The following BRINP3 variants were observed in gnomAD, a reference collection of about 807,000 sequenced individuals.
BRINP3 encodes the protein BMP/retinoic acid inducible neural specific 3.
A neutral mutation model predicts 71.0 loss-of-function variants in BRINP3; 19 were observed. That is an observed-to-expected ratio of 0.27 (90% CI 0.19 to 0.39). The LOEUF (loss-of-function observed/expected upper bound fraction) is 0.39. BRINP3 is among the 10% of genes least tolerant of loss of function. The pLI is 1.00. For synonymous variants in BRINP3, 380 were observed against 337.7 expected (o/e 1.13, Z -1.37); for missense variants, 959 against 940.8 (o/e 1.02, Z -0.25).
intron 2 of BRINP3, among the ~76,000 whole-genome samples, chr1:190,297,503 C>G (rs1664340171): frequency 6.6e-6 from 1 of 152,104 alleles, no homozygotes; most frequent in South Asian, 2.1e-4. Flanking sequence ...AGTGTAATGT[C>G]AGCTGTGGAA....
chr1:190,376,364 T>C (rs1571896560), intron 2 of BRINP3, among the ~76,000 whole-genome samples: 1 of 152,148 alleles, frequency 6.6e-6, no homozygotes, highest in Middle Eastern at 3.4e-3. Flanking sequence ...TAAACTTAAC[T>C]CAGATTTTGA....
intron 7 of BRINP3, among the ~76,000 whole-genome samples, chr1:190,106,676 AT>A (rs1317848380): frequency 6.6e-6 from 1 of 151,350 alleles, no homozygotes; most frequent in African/African-American, 2.4e-5. Context: ...ATTTATTATT[AT>A]TTTTTATTAT....
chr1:190,255,040 T>C (rs1003605479), intron 4 of BRINP3, among the ~76,000 whole-genome samples: 2 of 152,054 alleles, frequency 1.3e-5, no homozygotes, highest in African/African-American at 4.8e-5. Context: ...ATGTGGTTTT[T>C]TTTTTCATTG....
At chr1:190,439,109 G>A (rs1167288911) in intron 2 of BRINP3, among the ~76,000 whole-genome samples, 2 of 151,802 alleles carry the variant, frequency 1.3e-5, no homozygotes, top group South Asian at 2.1e-4. Flanking sequence ...AAAGGCGAGA[G>A]GCGTAGGTGA....
intron 2 of BRINP3, among the ~76,000 whole-genome samples, chr1:190,434,658 T>A (rs1345896017): frequency 6.6e-6 from 1 of 152,008 alleles, no homozygotes; most frequent in Admixed American, 6.6e-5. Context: ...AATAACATCT[T>A]ACTATTATTA....
intron 1 of BRINP3, 68 bp from the exon 2 acceptor site, chr1:190,455,008 G>T (rs560022787): frequency 8.6e-6 from 6 of 695,432 alleles, no homozygotes; most frequent in Non-Finnish European, 1.4e-5. Context: ...AGGTGTTGAG[G>T]TGGCTAATTT....
chr1:190,289,751 G>A (rs1663717071), intron 2 of BRINP3, among the ~76,000 whole-genome samples: 2 of 151,898 alleles, frequency 1.3e-5, no homozygotes, highest in African/African-American at 2.4e-5. Context: ...TGCTTCATAT[G>A]AACTTCAAAG....
intron 4 of BRINP3, among the ~76,000 whole-genome samples, chr1:190,264,192 T>C (rs1055003494): frequency 6.8e-6 from 1 of 147,882 alleles, no homozygotes; most frequent in African/African-American, 2.6e-5. Context: ...TCTCAATCTC[T>C]TTCTCTCATT....
At chr1:190,314,585 G>A (rs1665756727) in intron 2 of BRINP3, among the ~76,000 whole-genome samples, 1 of 152,114 alleles carries the variant, frequency 6.6e-6, no homozygotes. Context: ...AGATGTCAGT[G>A]GCCTCTAGAA....
chr1:190,367,865 C>T (rs540586728), intron 2 of BRINP3, among the ~76,000 whole-genome samples: 2 of 152,138 alleles, frequency 1.3e-5, no homozygotes, highest in Non-Finnish European at 2.9e-5. Flanking sequence ...TGGTCAAAGC[C>T]ATTCAACAAT....
At chr1:190,325,150 T>G (rs1666497327) in intron 2 of BRINP3, among the ~76,000 whole-genome samples, 1 of 152,054 alleles carries the variant, frequency 6.6e-6, no homozygotes, top group Admixed American at 6.6e-5. Context: ...CTTGCTCATA[T>G]AAAATGCTGA....
At chr1:190,343,954 T>C (rs1029951617) in intron 2 of BRINP3, among the ~76,000 whole-genome samples, 16 of 151,688 alleles carry the variant, frequency 1.1e-4, no homozygotes, top group Non-Finnish European at 7.4e-5. Context: ...AATGTACTCA[T>C]AATATAAGGA....
intron 7 of BRINP3, among the ~76,000 whole-genome samples, chr1:190,105,286 TACAC>T (rs1265069844): frequency 6.6e-6 from 1 of 151,682 alleles, no homozygotes; most frequent in Admixed American, 6.6e-5. Context: ...CTCAAGAAAG[TACAC>T]ACACACACAT....
At chr1:190,174,683 G>C (rs1422841925) in intron 6 of BRINP3, among the ~76,000 whole-genome samples, 1 of 151,910 alleles carries the variant, frequency 6.6e-6, no homozygotes, top group Non-Finnish European at 1.5e-5. Context: ...CCTAATCAAA[G>C]AAAAAGGAAT....
intron 2 of BRINP3, among the ~76,000 whole-genome samples, chr1:190,328,008 T>C (rs1666724378): frequency 6.6e-6 from 1 of 151,952 alleles, no homozygotes; most frequent in Non-Finnish European, 1.5e-5. Context: ...AACCACACAA[T>C]TACATGGAAA....
chr1:190,467,905 A>G (rs1427268751), intron 1 of BRINP3, among the ~76,000 whole-genome samples: 1 of 151,522 alleles, frequency 6.6e-6, no homozygotes, highest in Non-Finnish European at 1.5e-5. Context: ...AAGAAAGAAA[A>G]TTAAAATGAG....
At chr1:190,102,024 G>A (rs1287680775) in intron 7 of BRINP3, among the ~76,000 whole-genome samples, 1 of 152,022 alleles carries the variant, frequency 6.6e-6, no homozygotes, top group Non-Finnish European at 1.5e-5. Flanking sequence ...CCAAAGCTCT[G>A]GTACCCTGGG....
intron 2 of BRINP3, among the ~76,000 whole-genome samples, chr1:190,351,069 G>A (rs1668354698): frequency 6.6e-6 from 1 of 152,050 alleles, no homozygotes; most frequent in Admixed American, 6.6e-5. Flanking sequence ...CTCCCAAAGT[G>A]CTGGGATTAC....
chr1:190,290,181 A>G lies in BRINP3; in HGVS notation c.237-8431T>C, dbSNP rs141184812. The stretch of plus-strand genomic sequence containing the variant: ...AGTGTTCATGTGACTAGGGCAAATT[A>G]AAAGTTAACTATTTGCTCTAAACTG... On this transcript the variant is annotated intron_variant, in intron 2 of 7. Coordinates refer to ENST00000367462, the MANE Select transcript of BRINP3 (RefSeq NM_199051.3). Among the ~76,000 whole-genome samples the G allele has an allele frequency of 1.8e-3, 279 of 152,208 alleles. 4 individuals are homozygous for G. The highest frequency in any genetic ancestry group is 2.9e-3 in the Non-Finnish European group (199 of 67,948).
Sources: allele counts gnomAD v4.1 joint callset (sites outside exome capture counted in the v4.1 genomes callset), GRCh38; gene constraint gnomAD v4.1.1; transcripts MANE v1.5; gene names NCBI Gene and HGNC (gene_info 2026-07-23, HGNC 2026-07-21).